ABCG1: variants seen among roughly 807,000 people sequenced by gnomAD.
The protein encoded by ABCG1 is ATP-binding cassette sub-family G member 1.
ABCG1 carries 29 observed loss-of-function variants against 69.2 expected under a neutral mutation model. The ratio of observed to expected loss-of-function variants is 0.42; its 90% CI spans 0.31 to 0.57. The LOEUF is 0.57. ABCG1 is among the 20% of genes least tolerant of loss of function. The pLI is 0.15. For missense variants in ABCG1, 718 were observed against 898.1 expected (o/e 0.80, Z 2.56); for synonymous variants, 370 against 374.8 (o/e 0.99, Z 0.15).
chr21:42,253,044 G>A (rs2123655498), intron 2 of ABCG1, among the ~76,000 whole-genome samples: 1 of 152,308 alleles, frequency 6.6e-6, no homozygotes, highest in South Asian at 2.1e-4. Context: ...TGCCGCATTA[G>A]CACACAGGGA....
At chr21:42,281,092 C>T (rs953447373) in intron 5 of ABCG1, among the ~76,000 whole-genome samples, 4 of 152,236 alleles carry the variant, frequency 2.6e-5, no homozygotes, top group African/African-American at 4.8e-5. Flanking sequence ...AGCCGTGCCC[C>T]GGTTCTTTCT....
chr21:42,282,181 C>T, intron 5 of ABCG1, 93 bp from the exon 6 acceptor site: 1 of 1,526,400 alleles, frequency 6.6e-7, no homozygotes, highest in Non-Finnish European at 8.9e-7. Flanking sequence ...GTCCAGCAGG[C>T]TGAGGGCGGC....
Position 42,219,284 on chromosome 21 carries a change from T to G in ABCG1, c.22T>G (p.Phe8Val), listed in dbSNP as rs2067682176. The change falls in exon 1 of 15, where the codon TTC becomes GTC. Residue 8 changes from phenylalanine (F) to valine (V), a missense_variant. By Grantham distance (50) the Phe-to-Val change is conservative. Around this residue, in one of 2 missense-constraint regions of ABCG1, gnomAD observed 514 missense variants for 574.3 expected, o/e 0.90. Coordinates refer to ENST00000398449, the MANE Select transcript of ABCG1 (RefSeq NM_016818.3). This position sits in a 1 kb window ranked among gnomAD's most constrained non-coding sequence, Gnocchi z 5.3. ...GGGCATGGCCTGTCTGATGGCCGCTTTCTCGGTCGGCACCGCCATGGTGAG... is the reference window on the plus strand; with the variant it reads ...GGGCATGGCCTGTCTGATGGCCGCTGTCTCGGTCGGCACCGCCATGGTGAG... The part of the protein sequence containing the change: MACLMAA[F>V]SVGTAMNASS... 1 of 1,591,698 alleles carries G rather than the reference T, an allele frequency of 6.3e-7. No homozygotes were observed. The highest frequency in any genetic ancestry group is 1.7e-5 in the Admixed American group (1 of 58,600).
chr21:42,219,866 G>T lies in ABCG1; in HGVS notation c.42+562G>T, dbSNP rs1009064459. On this transcript the variant is annotated intron_variant, in intron 1 of 14. Coordinates refer to ENST00000398449, the MANE Select transcript of ABCG1 (RefSeq NM_016818.3). This position sits in a 1 kb window ranked among gnomAD's most constrained non-coding sequence, Gnocchi z 5.3. ...GGGACACCCTCTCCCGGACCCACTC[G>T]GGGAGGCGGCGGCGAAGGCCCGGGG... 16 of 1,533,924 alleles carry T rather than the reference G, an allele frequency of 1.0e-5. No individual in the cohort carries two copies. The highest frequency in any genetic ancestry group is 2.0e-5 in the Admixed American group (1 of 50,270).
chr21:42,246,672 C>CT (rs923533814), intron 2 of ABCG1, among the ~76,000 whole-genome samples: 15 of 152,158 alleles, frequency 9.9e-5, no homozygotes, highest in Admixed American at 2.0e-4. Context: ...AATGAGAGCA[C>CT]TTTTTTTAAG....
chr21:42,259,977 T>C lies in ABCG1; in HGVS notation c.287-11093T>C, dbSNP rs551186101. 1.4e-4 allele frequency: 205 copies of C among 1,508,532 alleles called. 1 individual carries two copies. In the African/African-American group the frequency reaches 2.5e-3, roughly 18 times the overall value. 93.4% of individuals were successfully genotyped at this position (1,508,532 alleles called of 1,614,324 possible). Reference sequence around the variant, plus strand: ...TTGGCTTGCTCTTCCCCTTCCCTCCTGGTTTCTTCAGGCCAGTGCGGCATC... The same window carrying C: ...TTGGCTTGCTCTTCCCCTTCCCTCCCGGTTTCTTCAGGCCAGTGCGGCATC... On this transcript the variant is annotated intron_variant, in intron 2 of 14. Coordinates refer to ENST00000398449, the MANE Select transcript of ABCG1 (RefSeq NM_016818.3).
chr21:42,293,581 A>C (rs1359771631), intron 13 of ABCG1, among the ~76,000 whole-genome samples: 1 of 136,450 alleles, frequency 7.3e-6, no homozygotes, highest in Non-Finnish European at 1.6e-5. Flanking sequence ...ACCACACACT[A>C]CACACATACC....
intron 1 of ABCG1, among the ~76,000 whole-genome samples, chr21:42,223,749 C>CAGTG (rs1195350386): frequency 1.3e-5 from 2 of 152,172 alleles, no homozygotes; most frequent in East Asian, 1.9e-4. Context: ...GTGAGTGAGA[C>CAGTG]AGTGAGTGAG....
Position 42,296,102 on chromosome 21 carries a change from T to C in ABCG1, c.1773-62T>C. The C allele has an allele frequency of 6.9e-7, 1 of 1,440,024 alleles. No homozygotes were observed. Among genetic ancestry groups the C allele is most frequent in the Non-Finnish European group, 9.8e-7 (1 of 1,022,582 alleles). 89.2% of individuals were successfully genotyped at this position (1,440,024 alleles called of 1,614,324 possible). On this transcript the variant is annotated intron_variant, in intron 14 of 14. Transcript: ENST00000398449. This position sits in a 1 kb window ranked among gnomAD's most constrained non-coding sequence, Gnocchi z 5.4. Reference sequence around the variant, plus strand: ...GCAGGGAGGGTGAACGACATTGACCTTCAGCCAACGGCGTGGCTGGCTGGG... The same window carrying C: ...GCAGGGAGGGTGAACGACATTGACCCTCAGCCAACGGCGTGGCTGGCTGGG...
intron 2 of ABCG1, among the ~76,000 whole-genome samples, chr21:42,234,570 C>T (rs889047507): frequency 1.3e-5 from 2 of 152,230 alleles, no homozygotes; most frequent in African/African-American, 4.8e-5. Flanking sequence ...TCCACCCAGA[C>T]GTTCCCTCCC....
intron 2 of ABCG1, among the ~76,000 whole-genome samples, chr21:42,236,648 G>A (rs183172683): frequency 1.3e-5 from 2 of 152,250 alleles, no homozygotes; most frequent in East Asian, 3.9e-4. Context: ...ATTTGATTTT[G>A]TGACTGTGGA....
intron 5 of ABCG1, among the ~76,000 whole-genome samples, chr21:42,278,758 G>C (rs186301792): frequency 3.9e-5 from 6 of 152,332 alleles, no homozygotes; most frequent in Admixed American, 3.3e-4. Flanking sequence ...GAAGAACATG[G>C]AGAAAAGCAG....
At chr21:42,261,945 T>A (rs1196946519) in intron 2 of ABCG1, among the ~76,000 whole-genome samples, 1 of 152,158 alleles carries the variant, frequency 6.6e-6, no homozygotes, top group African/African-American at 2.4e-5. Context: ...CCTTTGTTGG[T>A]GCTGCTGGGA....
intron 2 of ABCG1, among the ~76,000 whole-genome samples, chr21:42,266,086 G>A (rs1211966010): frequency 6.6e-6 from 1 of 152,128 alleles, no homozygotes; most frequent in East Asian, 1.9e-4. Flanking sequence ...CGGATCACGA[G>A]GTCAGGAGAT....
intron 2 of ABCG1, among the ~76,000 whole-genome samples, chr21:42,210,384 T>G (rs370682512): frequency 3.9e-5 from 6 of 152,052 alleles, no homozygotes; most frequent in African/African-American, 1.4e-4. Flanking sequence ...TTGTTATGGG[T>G]GTGATGGGAA....
In ABCG1 at chr21:42,219,995, T is replaced by TCCGGAGAGGGATGGCGGGGTGTC; in HGVS notation, c.42+692_42+714dup. On this transcript the variant is annotated intron_variant, in intron 1 of 14. Transcript: ENST00000398449. This position sits in a 1 kb window ranked among gnomAD's most constrained non-coding sequence, Gnocchi z 5.3. The stretch of plus-strand genomic sequence containing the variant: ...GGATGCGCATTTCACTTCCCCGAGC[T>TCCGGAGAGGGATGGCGGGGTGTC]CCGGAGAGGGATGGCGGGGTGTCGG... 6.4e-7 allele frequency: 1 copy of TCCGGAGAGGGATGGCGGGGTGTC among 1,553,298 alleles called. No homozygotes were observed. Among genetic ancestry groups the TCCGGAGAGGGATGGCGGGGTGTC allele is most frequent in the Non-Finnish European group, 8.7e-7 (1 of 1,147,800 alleles).
At chr21:42,294,716 G>A (rs745908730) in intron 14 of ABCG1, 56 bp downstream of exon 14, 59 of 1,505,248 alleles carry the variant, frequency 3.9e-5, no homozygotes, top group African/African-American at 2.1e-4. Flanking sequence ...GGGAAGAACC[G>A]TCTCCAACAG....
rs181649642 is a variant in ABCG1 at position 42,257,164 on chromosome 21, G to A, written c.287-13906G>A. ...TCAAGGAACTTGCCCAAGGTCACACGGCTAATTAGAGGCCGAATCTAGAGC... is the reference window on the plus strand; with the variant it reads ...TCAAGGAACTTGCCCAAGGTCACACAGCTAATTAGAGGCCGAATCTAGAGC... On this transcript the variant is annotated intron_variant, in intron 2 of 14. Transcript: ENST00000398449. 2.0e-5 allele frequency among the ~76,000 whole-genome samples: 3 copies of A among 152,310 alleles called. No individual in the cohort carries two copies. In the East Asian group the frequency reaches 5.8e-4, roughly 29 times the overall value.
At chr21:42,264,970 G>A (rs538301919) in intron 2 of ABCG1, among the ~76,000 whole-genome samples, 1 of 152,342 alleles carries the variant, frequency 6.6e-6, no homozygotes, top group African/African-American at 2.4e-5. Context: ...CAGACAGTGA[G>A]TGGGAGGGTG....
Sources: gnomAD v4.1 joint callset for allele counts (sites outside exome capture counted in the v4.1 genomes callset) on GRCh38, gnomAD v4.1.1 for gene constraint, gnomAD v4.1.1 regional missense constraint, Gnocchi (gnomAD v3.1) non-coding constraint, MANE v1.5 for transcripts, NCBI Gene and HGNC (gene_info 2026-07-23, HGNC 2026-07-21) for gene names.